TLE5: variants seen among roughly 807,000 people sequenced by gnomAD.
The protein encoded by TLE5 is TLE family member 5, transcriptional modulator, also known as TLE family member 5.
A neutral mutation model predicts 25.8 loss-of-function variants in TLE5; 7 were observed. The ratio of observed to expected loss-of-function variants is 0.27; its 90% CI spans 0.15 to 0.51. The LOEUF (loss-of-function observed/expected upper bound fraction) is 0.51. Ranked by LOEUF, TLE5 falls within the 20% of genes least tolerant of loss-of-function variation. The pLI is 0.97. For missense variants in TLE5, 149 were observed against 250.7 expected (o/e 0.59, Z 2.74); for synonymous variants, 132 against 110.5 (o/e 1.20, Z -1.22).
intron 4 of TLE5, 193 bp downstream of exon 4, chr19:3,056,118 GA>G: frequency 2.0e-6 from 1 of 502,596 alleles, no homozygotes; most frequent in Non-Finnish European, 3.5e-6. Flanking sequence ...AGGGAGGCCT[GA>G]AAAAGAGGCG....
Position 3,061,276 on chromosome 19 carries a change from C to A in TLE5, c.28-19G>T, listed in dbSNP as rs1394470444. Reference sequence around the variant, plus strand: ...AGGAGCCCTGTAGGGATGGGGCGGCCCGGGTCAGGCCCAGGCGTGGGCTGG... The same window carrying A: ...AGGAGCCCTGTAGGGATGGGGCGGCACGGGTCAGGCCCAGGCGTGGGCTGG... On this transcript the variant is annotated intron_variant, in intron 1 of 6. Coordinates refer to ENST00000327141, the MANE Select transcript of TLE5 (RefSeq NM_001130.6). The A allele has an allele frequency of 3.8e-6, 6 of 1,595,834 alleles. No homozygotes were observed. Among genetic ancestry groups the A allele is most frequent in the Non-Finnish European group, 5.2e-6 (6 of 1,164,496 alleles).
chr19:3,057,399 C>A (rs920490894), intron 3 of TLE5: 3 of 463,092 alleles, frequency 6.5e-6, no homozygotes, highest in Non-Finnish European at 7.9e-6. Flanking sequence ...CGGTGAGCCT[C>A]CCTCTCCTCC....
chr19:3,058,687 G>A (rs1363691095), intron 2 of TLE5, among the ~76,000 whole-genome samples: 2 of 152,208 alleles, frequency 1.3e-5, no homozygotes, highest in Admixed American at 6.5e-5. Context: ...GCTGTGGGGC[G>A]TTTCTCAAAG....
chr19:3,062,503 G>C (rs1053024077), upstream of TLE5: 95 of 623,196 alleles, frequency 1.5e-4, no homozygotes, highest in Non-Finnish European at 1.8e-4. Flanking sequence ...AGTGGCCGCG[G>C]CTCGGCTGCT....
At chr19:3,060,328 C>CTTTTTTTTTTTTT (rs990199468) in intron 2 of TLE5, among the ~76,000 whole-genome samples, 137 of 93,198 alleles carry the variant, frequency 1.5e-3, no homozygotes, top group African/African-American at 2.4e-3. Flanking sequence ...TTTTTTCTTT[C>CTTTTTTTTTTTTT]TTTTTTTTTT....
At position 3,057,755 on chromosome 19, in the gene TLE5, A is replaced by AG. The variant is rs762679776; in HGVS notation, c.126-14dup. 124 of 1,612,992 alleles carry AG rather than the reference A, an allele frequency of 7.7e-5. No homozygotes were observed. The highest frequency in any genetic ancestry group is 1.0e-4 in the Non-Finnish European group (122 of 1,179,644). On this transcript the variant is annotated splice_polypyrimidine_tract_variant and intron_variant, in intron 2 of 6. Coordinates refer to ENST00000327141, the MANE Select transcript of TLE5 (RefSeq NM_001130.6). The stretch of plus-strand genomic sequence containing the variant: ...TTCGAGCTTGAGGCTGAGGAGGCAC[A>AG]GGGGGGAGATGGGGTGGTTAGTGGC...
chr19:3,062,138 C>CG, intron 1 of TLE5, 36 bp downstream of exon 1: 1 of 820,132 alleles, frequency 1.2e-6, no homozygotes, highest in Non-Finnish European at 1.4e-6. Context: ...GGCCCGGATC[C>CG]GGGGTGGGGG....
At chr19:3,058,516 G>C (rs1204951154) in intron 2 of TLE5, among the ~76,000 whole-genome samples, 2 of 152,162 alleles carry the variant, frequency 1.3e-5, no homozygotes, top group African/African-American at 4.8e-5. Context: ...TAGCTTCATG[G>C]GGGGCCTGGA....
At chr19:3,056,917 T>G (rs1200754760) in intron 3 of TLE5, 1 of 201,654 alleles carries the variant, frequency 5.0e-6, no homozygotes, top group African/African-American at 2.4e-5. Context: ...AGTTTCTCTG[T>G]CTCTGTCTGG....
At chr19:3,058,812 A>C (rs1028835210) in intron 2 of TLE5, among the ~76,000 whole-genome samples, 1 of 151,726 alleles carries the variant, frequency 6.6e-6, no homozygotes, top group Non-Finnish European at 1.5e-5. Context: ...CTTAAATCCA[A>C]CCCAGCACAG....
chr19:3,059,983 C>T (rs534562726), intron 2 of TLE5, among the ~76,000 whole-genome samples: 1 of 152,278 alleles, frequency 6.6e-6, no homozygotes, highest in Non-Finnish European at 1.5e-5. Context: ...CTTGAGCACA[C>T]AGGGAGTACC....
At chr19:3,061,091 C>A in intron 2 of TLE5, 69 bp downstream of exon 2, 1 of 1,190,502 alleles carries the variant, frequency 8.4e-7, no homozygotes, top group East Asian at 2.3e-5. Flanking sequence ...CTCAGCCTTG[C>A]CATCTGCGCA....
At chr19:3,061,040 A>AT in intron 2 of TLE5, 120 bp downstream of exon 2, 1 of 694,682 alleles carries the variant, frequency 1.4e-6, no homozygotes, top group East Asian at 2.6e-5. Context: ...TCAAGTGATT[A>AT]GGTCAGAGTC....
intron 2 of TLE5, among the ~76,000 whole-genome samples, chr19:3,058,792 C>T (rs2090241142): frequency 2.0e-5 from 3 of 152,244 alleles, no homozygotes; most frequent in Middle Eastern, 3.4e-3. Context: ...GGGAGGTGTC[C>T]TTTAACCTAC....
chr19:3,056,978 T>C (rs1459228460), intron 3 of TLE5, among the ~76,000 whole-genome samples: 1 of 152,066 alleles, frequency 6.6e-6, no homozygotes, highest in African/African-American at 2.4e-5. Context: ...CATTTCTCCA[T>C]ATAGTCTTCC....
intron 5 of TLE5, 89 bp downstream of exon 5, chr19:3,055,575 C>T: frequency 7.8e-7 from 1 of 1,277,678 alleles, no homozygotes; most frequent in Non-Finnish European, 1.1e-6. Flanking sequence ...CTGGGGCGCC[C>T]AGCACACCAC....
chr19:3,053,078 T>TG lies in TLE5; in HGVS notation c.*740_*741insC, dbSNP rs2090187461. On this transcript the variant is annotated 3_prime_UTR_variant, in exon 7 of 7. Transcript: ENST00000327141. Reference sequence around the variant, plus strand: ...TAAAAACACTTTTGTCTTTTTTTTTTTTTAATATCCCCTTTCTTAAAAGAC... The same window carrying TG: ...TAAAAACACTTTTGTCTTTTTTTTTTGTTTAATATCCCCTTTCTTAAAAGAC... The TG allele has an allele frequency of 6.6e-6, 1 of 151,996 alleles. No homozygotes were observed. Among genetic ancestry groups the TG allele is most frequent in the Non-Finnish European group, 1.5e-5 (1 of 67,986 alleles). The allele number at this position is 151,996 out of a possible 1,614,324, so 9.4% of individuals were successfully genotyped here.
chr19:3,056,237 C>A, intron 4 of TLE5, 75 bp downstream of exon 4: 1 of 1,118,848 alleles, frequency 8.9e-7, no homozygotes, highest in Non-Finnish European at 1.2e-6. Context: ...CCTGGGGGTG[C>A]CCAAGGCGGG....
At chr19:3,055,793 G>A (rs1292017400) in intron 4 of TLE5, 67 bp from the exon 5 acceptor site, 4 of 1,508,946 alleles carry the variant, frequency 2.7e-6, no homozygotes, top group Non-Finnish European at 3.6e-6. Context: ...GCCACAGGAG[G>A]CCTGCGCGGG....
Sources: gnomAD v4.1 joint callset for allele counts (sites outside exome capture counted in the v4.1 genomes callset) on GRCh38, gnomAD v4.1.1 for gene constraint, MANE v1.5 for transcripts, NCBI Gene and HGNC (gene_info 2026-07-23, HGNC 2026-07-21) for gene names.